INPP4B: variants seen among roughly 807,000 people sequenced by gnomAD.
INPP4B encodes the protein inositol polyphosphate 4-phosphatase type II.
INPP4B carries 55 observed loss-of-function variants against 122.5 expected under a neutral mutation model. The ratio of observed to expected loss-of-function variants is 0.45; its 90% CI spans 0.36 to 0.56. The LOEUF (loss-of-function observed/expected upper bound fraction) is 0.56, where lower values mean the gene tolerates loss of function less well. Among genes scored for constraint, INPP4B ranks in the 20% least tolerant of loss-of-function variants. The probability of loss-of-function intolerance (pLI) is 0.00; values close to 1 mark genes in which losing one functional copy is unlikely to be tolerated. For missense variants in INPP4B, 1,000 were observed against 1,097.7 expected (o/e 0.91, Z 1.26); for synonymous variants, 403 against 388.7 (o/e 1.04, Z -0.43).
At chr4:142,694,553 T>C (rs1760751461) in intron 2 of INPP4B, among the ~76,000 whole-genome samples, 2 of 152,168 alleles carry the variant, frequency 1.3e-5, no homozygotes. Context: ...GATACTGTCT[T>C]TGCTACTTGT....
intron 2 of INPP4B, among the ~76,000 whole-genome samples, chr4:142,658,309 G>A (rs896319835): frequency 6.6e-6 from 1 of 152,168 alleles, no homozygotes; most frequent in Non-Finnish European, 1.5e-5. Context: ...TTGGAATACA[G>A]GAAAATGTAC....
intron 9 of INPP4B, among the ~76,000 whole-genome samples, chr4:142,274,930 A>G (rs1457480421): frequency 1.3e-5 from 2 of 151,872 alleles, no homozygotes; most frequent in Non-Finnish European, 2.9e-5. Flanking sequence ...CAGAAGATAG[A>G]CTTAAATATT....
intron 1 of INPP4B, among the ~76,000 whole-genome samples, chr4:142,740,784 A>G (rs1274787521): frequency 6.6e-6 from 1 of 152,060 alleles, no homozygotes; most frequent in Non-Finnish European, 1.5e-5. Context: ...CTAAAAATGC[A>G]TAATCCACAA....
intron 1 of INPP4B, among the ~76,000 whole-genome samples, chr4:142,798,939 G>C (rs1777640630): frequency 6.6e-6 from 1 of 151,752 alleles, no homozygotes; most frequent in African/African-American, 2.4e-5. Flanking sequence ...GATGGTTAAA[G>C]TGTTTATAGG....
chr4:142,702,970 A>G (rs1031200850), intron 2 of INPP4B, among the ~76,000 whole-genome samples: 5 of 152,202 alleles, frequency 3.3e-5, no homozygotes, highest in African/African-American at 4.8e-5. Flanking sequence ...TTGCTCTGGA[A>G]TTAATAAGAT....
intron 25 of INPP4B, chr4:142,030,431 T>C (rs1739123014): frequency 1.2e-6 from 1 of 807,586 alleles, no homozygotes; most frequent in Non-Finnish European, 1.9e-6. Flanking sequence ...TCAGATGAAA[T>C]CTTATGGTAA....
At chr4:142,533,784 C>T (rs1324240843) in intron 2 of INPP4B, among the ~76,000 whole-genome samples, 1 of 152,082 alleles carries the variant, frequency 6.6e-6, no homozygotes, top group Non-Finnish European at 1.5e-5. Context: ...TCATGAACAC[C>T]CAAATCCAAA....
intron 5 of INPP4B, among the ~76,000 whole-genome samples, chr4:142,424,877 T>C (rs1807700744): frequency 6.6e-6 from 1 of 152,030 alleles, no homozygotes; most frequent in African/African-American, 2.4e-5. Flanking sequence ...GTGATGTGTT[T>C]CCACATTGCC....
At chr4:142,444,795 T>G (rs1394928711) in intron 3 of INPP4B, among the ~76,000 whole-genome samples, 1 of 152,004 alleles carries the variant, frequency 6.6e-6, no homozygotes, top group Non-Finnish European at 1.5e-5. Context: ...AAAGAAAATG[T>G]GGCACATAAA....
chr4:142,138,437 A>T (rs1805863981), intron 18 of INPP4B, among the ~76,000 whole-genome samples: 1 of 150,180 alleles, frequency 6.7e-6, no homozygotes. Context: ...CCTAATGCTA[A>T]ATGATGAGTT....
chr4:142,398,007 T>G (rs990786377), intron 7 of INPP4B, among the ~76,000 whole-genome samples: 20 of 151,794 alleles, frequency 1.3e-4, no homozygotes, highest in African/African-American at 4.8e-4. Flanking sequence ...CTCCTTAGAT[T>G]CTTAGAATAC....
At chr4:142,280,585 AC>A (rs1750753333) in intron 9 of INPP4B, among the ~76,000 whole-genome samples, 1 of 151,896 alleles carries the variant, frequency 6.6e-6, no homozygotes, top group African/African-American at 2.4e-5. Context: ...CTGTATCTGG[AC>A]TGTGGATACG....
chr4:142,156,631 C>CA, intron 17 of INPP4B, among the ~76,000 whole-genome samples: 1 of 152,120 alleles, frequency 6.6e-6, no homozygotes, highest in Non-Finnish European at 1.5e-5. Context: ...AAATAACAGA[C>CA]TTTTTTGTAA....
intron 17 of INPP4B, among the ~76,000 whole-genome samples, chr4:142,150,590 T>C (rs901761113): frequency 2.0e-5 from 3 of 152,184 alleles, no homozygotes; most frequent in African/African-American, 7.2e-5. Context: ...AATAAGGTCA[T>C]GGAGTCAGTG....
intron 1 of INPP4B, among the ~76,000 whole-genome samples, chr4:142,778,085 C>G (rs1350883472): frequency 6.6e-6 from 1 of 152,092 alleles, no homozygotes; most frequent in Non-Finnish European, 1.5e-5. Flanking sequence ...GTTAGCCATG[C>G]CTTGAGAAAA....
intron 14 of INPP4B, among the ~76,000 whole-genome samples, chr4:142,193,761 A>T (rs1837006895): frequency 6.6e-6 from 1 of 152,194 alleles, no homozygotes; most frequent in South Asian, 2.1e-4. Flanking sequence ...ACATAGAAAG[A>T]ATACACAAAA....
At chr4:142,568,897 A>G (rs1259378609) in intron 2 of INPP4B, among the ~76,000 whole-genome samples, 1 of 152,280 alleles carries the variant, frequency 6.6e-6, no homozygotes, top group Non-Finnish European at 1.5e-5. Flanking sequence ...ACAAATTAGT[A>G]TGGTAATTGC....
intron 16 of INPP4B, among the ~76,000 whole-genome samples, chr4:142,171,579 C>T (rs1182192056): frequency 4.6e-5 from 7 of 151,822 alleles, no homozygotes; most frequent in African/African-American, 1.7e-4. Context: ...ATACTTTGTT[C>T]TAAACCATGA....
intron 25 of INPP4B, among the ~76,000 whole-genome samples, chr4:142,043,834 T>C (rs1314314960): frequency 2.0e-5 from 3 of 152,052 alleles, no homozygotes; most frequent in Admixed American, 2.0e-4. Context: ...AGCAGCAAAG[T>C]GTTGGGATTA....
Sources: allele counts gnomAD v4.1 joint callset (sites outside exome capture counted in the v4.1 genomes callset), GRCh38; gene constraint gnomAD v4.1.1; transcripts MANE v1.5; gene names NCBI Gene and HGNC (gene_info 2026-07-23, HGNC 2026-07-21).